The following PDZRN4 variants were observed in gnomAD, a reference collection of about 807,000 sequenced individuals.
PDZRN4 encodes the protein PDZ domain-containing RING finger protein 4.
Under a neutral mutation model 99.0 loss-of-function variants are expected in PDZRN4, and 70 were observed. The ratio of observed to expected loss-of-function variants is 0.71; its 90% CI spans 0.58 to 0.86. PDZRN4 has a LOEUF of 0.86. Ranked by LOEUF, PDZRN4 falls within the 40% of genes least tolerant of loss-of-function variation. The probability of loss-of-function intolerance (pLI) is 0.00; values close to 1 mark genes in which losing one functional copy is unlikely to be tolerated. For missense variants in PDZRN4, 1,474 were observed against 1,331.2 expected (o/e 1.11, Z -1.67); for synonymous variants, 551 against 501.6 (o/e 1.10, Z -1.32).
At chr12:41,401,813 CT>C (rs1248669372) in intron 3 of PDZRN4, among the ~76,000 whole-genome samples, 1 of 151,950 alleles carries the variant, frequency 6.6e-6, no homozygotes, top group Non-Finnish European at 1.5e-5. Context: ...CAGTCTCCAT[CT>C]TTAATCTCCT....
chr12:41,401,569 G>A (rs1952288791), intron 3 of PDZRN4, among the ~76,000 whole-genome samples: 1 of 152,034 alleles, frequency 6.6e-6, no homozygotes, highest in Middle Eastern at 3.2e-3. Flanking sequence ...GATCCAGACT[G>A]TTACCTTCAT....
rs987084993 is a variant in PDZRN4, at chr12:41,362,075, T to C, written c.844-144381T>C. Among the ~76,000 whole-genome samples, 5 of 152,056 alleles carry C rather than the reference T, an allele frequency of 3.3e-5. No individual in the cohort carries two copies. In the East Asian group the frequency reaches 9.7e-4, roughly 30 times the overall value. ...GGGGATCACAAACATCTGAACCATA[T>C]GGCAAATAATTTTATTATGATCTAA... On this transcript the variant is annotated intron_variant, in intron 3 of 9. Transcript: ENST00000402685.
At chr12:41,499,461 A>G (rs1198954448) in intron 3 of PDZRN4, among the ~76,000 whole-genome samples, 1 of 152,108 alleles carries the variant, frequency 6.6e-6, no homozygotes, top group Non-Finnish European at 1.5e-5. Context: ...ACGTTTCTTA[A>G]TTATAGGAAT....
intron 3 of PDZRN4, among the ~76,000 whole-genome samples, chr12:41,500,757 A>G (rs1044988527): frequency 6.6e-5 from 10 of 152,132 alleles, no homozygotes; most frequent in African/African-American, 2.4e-4. Context: ...AAAAGCAGTG[A>G]GCTGAAATTT....
At chr12:41,496,939 G>A (rs918149220) in intron 3 of PDZRN4, among the ~76,000 whole-genome samples, 3 of 152,086 alleles carry the variant, frequency 2.0e-5, no homozygotes, top group Non-Finnish European at 2.9e-5. Context: ...CTCATAGATA[G>A]GGTATAATGA....
intron 5 of PDZRN4, 26 bp from the exon 6 acceptor site, chr12:41,552,630 G>A (rs1438425667): frequency 6.4e-7 from 1 of 1,554,544 alleles, no homozygotes. Context: ...TGACATAAAT[G>A]TCATCTGTGT....
intron 3 of PDZRN4, among the ~76,000 whole-genome samples, chr12:41,334,201 G>C (rs189869367): frequency 6.6e-6 from 1 of 151,990 alleles, no homozygotes; most frequent in African/African-American, 2.4e-5. Flanking sequence ...CCTCACACCA[G>C]TCTGAGTCCC....
intron 3 of PDZRN4, among the ~76,000 whole-genome samples, chr12:41,292,536 G>A (rs1305379651): frequency 6.6e-6 from 1 of 152,114 alleles, no homozygotes; most frequent in African/African-American, 2.4e-5. Flanking sequence ...ACCCCCCTTT[G>A]ACTGGGTTTG....
chr12:41,376,190 G>T (rs936575990), intron 3 of PDZRN4, among the ~76,000 whole-genome samples: 3 of 152,118 alleles, frequency 2.0e-5, no homozygotes, highest in Non-Finnish European at 4.4e-5. Flanking sequence ...CTGAACATGG[G>T]AGTGCTGGTA....
At chr12:41,240,953 C>T (rs11180421) in intron 3 of PDZRN4, among the ~76,000 whole-genome samples, 102,198 of 151,850 alleles carry the variant, frequency 0.67, 34,526 homozygotes, top group South Asian at 0.73. Flanking sequence ...TGTCTCTTGA[C>T]CTACTAATTC....
intron 3 of PDZRN4, among the ~76,000 whole-genome samples, chr12:41,322,477 A>G (rs945087616): frequency 1.3e-4 from 13 of 97,782 alleles, no homozygotes; most frequent in African/African-American, 4.7e-4. Flanking sequence ...GGAAATTTAG[A>G]TTTTCTTTCC....
At chr12:41,511,717 T>C (rs1938307329) in intron 5 of PDZRN4, among the ~76,000 whole-genome samples, 1 of 152,158 alleles carries the variant, frequency 6.6e-6, no homozygotes, top group African/African-American at 2.4e-5. Flanking sequence ...CCTCAGTCTG[T>C]TATCATTATG....
intron 3 of PDZRN4, among the ~76,000 whole-genome samples, chr12:41,208,940 G>A (rs1195832969): frequency 1.3e-5 from 2 of 151,802 alleles, no homozygotes; most frequent in African/African-American, 4.8e-5. Context: ...CCTTGTTCAT[G>A]CTATAGGAAT....
At chr12:41,359,981 A>C (rs1951953517) in intron 3 of PDZRN4, among the ~76,000 whole-genome samples, 1 of 152,094 alleles carries the variant, frequency 6.6e-6, no homozygotes, top group African/African-American at 2.4e-5. Flanking sequence ...GGGATAATCA[A>C]CATATGCCTG....
chr12:41,517,464 A>G (rs1408375286), intron 5 of PDZRN4, among the ~76,000 whole-genome samples: 3 of 152,060 alleles, frequency 2.0e-5, no homozygotes, highest in Non-Finnish European at 2.9e-5. Flanking sequence ...GCTTTCAAAA[A>G]CTGTTTTCAT....
intron 3 of PDZRN4, among the ~76,000 whole-genome samples, chr12:41,376,098 G>A (rs75604748): frequency 6.6e-6 from 1 of 152,062 alleles, no homozygotes; most frequent in East Asian, 1.9e-4. Flanking sequence ...CTTGGATATG[G>A]CTGAATACAA....
chr12:41,556,745 G>A (rs997737222), intron 7 of PDZRN4, among the ~76,000 whole-genome samples: 1 of 152,236 alleles, frequency 6.6e-6, no homozygotes, highest in Non-Finnish European at 1.5e-5. Flanking sequence ...TAGGAGGGAT[G>A]TGAGGCTGGA....
At chr12:41,538,885 G>A (rs1463436952) in intron 5 of PDZRN4, among the ~76,000 whole-genome samples, 4 of 151,726 alleles carry the variant, frequency 2.6e-5, no homozygotes, top group African/African-American at 9.7e-5. Flanking sequence ...ATATATGTGT[G>A]ACAGTATATA....
intron 5 of PDZRN4, among the ~76,000 whole-genome samples, chr12:41,549,092 CTT>C (rs1285882002): frequency 6.6e-6 from 1 of 152,136 alleles, no homozygotes; most frequent in East Asian, 1.9e-4. Flanking sequence ...TGACAAATGA[CTT>C]ATGGATGGTT....
Sources: gnomAD v4.1 joint callset for allele counts (sites outside exome capture counted in the v4.1 genomes callset) on GRCh38, gnomAD v4.1.1 for gene constraint, MANE v1.5 for transcripts, NCBI Gene and HGNC (gene_info 2026-07-23, HGNC 2026-07-21) for gene names.